FOXP1: variants seen among roughly 807,000 people sequenced by gnomAD.
FOXP1 encodes the protein forkhead box protein P1.
In FOXP1, 15 loss-of-function variants were observed where a neutral mutation model predicts 98.2. The observed-to-expected ratio is 0.15, with a 90% CI of 0.10 to 0.24. The LOEUF (loss-of-function observed/expected upper bound fraction) is 0.24. Among genes scored for constraint, FOXP1 ranks in the 10% least tolerant of loss-of-function variants. The pLI, the probability that FOXP1 is intolerant of heterozygous loss-of-function variation, is 1.00. For synonymous variants in FOXP1, 371 were observed against 314.5 expected (o/e 1.18, Z -1.90); for missense variants, 633 against 848.5 (o/e 0.75, Z 3.15).
At chr3:71,347,297 G>C (rs1037141463) in intron 4 of FOXP1, among the ~76,000 whole-genome samples, 2 of 152,142 alleles carry the variant, frequency 1.3e-5, no homozygotes, top group African/African-American at 4.8e-5. Flanking sequence ...CTTTACCTTT[G>C]AACAACCAGC....
intron 3 of FOXP1, among the ~76,000 whole-genome samples, chr3:71,438,320 G>A (rs887186143): frequency 6.6e-6 from 1 of 152,108 alleles, no homozygotes; most frequent in African/African-American, 2.4e-5. Context: ...AGCTACATCG[G>A]CCGGAAAGTA....
intron 2 of FOXP1, among the ~76,000 whole-genome samples, chr3:71,514,045 C>A (rs1363263733): frequency 6.6e-6 from 1 of 152,212 alleles, no homozygotes; most frequent in Non-Finnish European, 1.5e-5. Flanking sequence ...AAATAAAACA[C>A]TGAATTTAGA....
At chr3:71,337,041 A>C (rs1254542530) in intron 4 of FOXP1, among the ~76,000 whole-genome samples, 1 of 152,244 alleles carries the variant, frequency 6.6e-6, no homozygotes, top group African/African-American at 2.4e-5. Context: ...GACATATCAA[A>C]CATTTAAAAA....
chr3:71,320,021 A>G (rs2075301651), intron 4 of FOXP1, among the ~76,000 whole-genome samples: 1 of 152,140 alleles, frequency 6.6e-6, no homozygotes, highest in African/African-American at 2.4e-5. Flanking sequence ...CGACTCTGCA[A>G]TTCCCTTGTG....
chr3:71,020,678 C>A (rs555956361), intron 11 of FOXP1, among the ~76,000 whole-genome samples: 2 of 152,196 alleles, frequency 1.3e-5, no homozygotes, highest in Non-Finnish European at 2.9e-5. Context: ...CCATTTCCTG[C>A]CAACTGAAAT....
intron 6 of FOXP1, chr3:71,197,821 T>C (rs1183590804): frequency 6.7e-7 from 1 of 1,499,774 alleles, no homozygotes; most frequent in Admixed American, 1.8e-5. Flanking sequence ...ATTTCCTTCT[T>C]CACAGGCTTA....
chr3:71,050,546 G>C (rs989327502), intron 9 of FOXP1, among the ~76,000 whole-genome samples: 3 of 152,196 alleles, frequency 2.0e-5, no homozygotes. Flanking sequence ...AGCCACAGGG[G>C]AGAAACTCCA....
chr3:71,558,029 C>T (rs2046264644), intron 2 of FOXP1, among the ~76,000 whole-genome samples: 1 of 152,146 alleles, frequency 6.6e-6, no homozygotes, highest in East Asian at 1.9e-4. Context: ...GTCGGCCGGG[C>T]TGGTGACCCG....
chr3:71,034,210 A>G (rs919100906), intron 11 of FOXP1, among the ~76,000 whole-genome samples: 2 of 152,170 alleles, frequency 1.3e-5, no homozygotes, highest in Non-Finnish European at 2.9e-5. Flanking sequence ...ACTGCTGAAA[A>G]GATAGGTCTG....
chr3:70,985,246 G>A (rs777780363), intron 14 of FOXP1, among the ~76,000 whole-genome samples: 38 of 152,098 alleles, frequency 2.5e-4, no homozygotes, highest in South Asian at 6.2e-4. Context: ...TCAAACAAAC[G>A]CCATGCATTC....
chr3:71,172,498 A>G (rs1341247593), intron 6 of FOXP1, among the ~76,000 whole-genome samples: 1 of 152,206 alleles, frequency 6.6e-6, no homozygotes, highest in African/African-American at 2.4e-5. Context: ...ATTTTGACCT[A>G]TAACACTTCA....
intron 11 of FOXP1, among the ~76,000 whole-genome samples, chr3:71,037,845 T>G (rs1379184550): frequency 6.6e-6 from 1 of 152,196 alleles, no homozygotes. Context: ...CCTCCCGTAA[T>G]AGTGCTGAAT....
chr3:71,182,565 T>C (rs1406897207), intron 6 of FOXP1, among the ~76,000 whole-genome samples: 1 of 149,628 alleles, frequency 6.7e-6, no homozygotes, highest in Non-Finnish European at 1.5e-5. Flanking sequence ...TTTTTTTTTT[T>C]AGTAGAGACA....
At chr3:70,959,422 G>A in intron 20 of FOXP1, 31 bp from the exon 21 acceptor site, 3 of 1,613,612 alleles carry the variant, frequency 1.9e-6, no homozygotes, top group African/African-American at 1.3e-5. Context: ...TTCAGTGAGG[G>A]TACTTCCCAG....
intron 11 of FOXP1, among the ~76,000 whole-genome samples, chr3:71,030,468 T>C (rs1439074750): frequency 1.3e-5 from 2 of 152,202 alleles, no homozygotes; most frequent in African/African-American, 4.8e-5. Context: ...CTTTCCTACT[T>C]TTTCTGTTTC....
intron 6 of FOXP1, among the ~76,000 whole-genome samples, chr3:71,153,879 C>T (rs553475956): frequency 1.2e-4 from 19 of 152,218 alleles, no homozygotes; most frequent in African/African-American, 3.9e-4. Context: ...TTCAGAGGTA[C>T]GGCAATAAAC....
At chr3:71,008,962 G>GA (rs1352728654) in intron 12 of FOXP1, among the ~76,000 whole-genome samples, 2 of 151,970 alleles carry the variant, frequency 1.3e-5, no homozygotes, top group Admixed American at 1.3e-4. Flanking sequence ...TGACAGATGG[G>GA]ATTTTTATCC....
At chr3:71,312,959 C>T (rs1259982739) in intron 4 of FOXP1, among the ~76,000 whole-genome samples, 1 of 151,760 alleles carries the variant, frequency 6.6e-6, no homozygotes, top group Non-Finnish European at 1.5e-5. Context: ...CCACTGCACT[C>T]CAGCCTGGGT....
At chr3:71,286,296 A>G (rs1048252447) in intron 5 of FOXP1, among the ~76,000 whole-genome samples, 58 of 150,992 alleles carry the variant, frequency 3.8e-4, no homozygotes, top group African/African-American at 1.4e-3. Flanking sequence ...ACCACCATGT[A>G]GAGTGTCCCC....
Sources: allele counts gnomAD v4.1 joint callset (sites outside exome capture counted in the v4.1 genomes callset), GRCh38; gene constraint gnomAD v4.1.1; transcripts MANE v1.5; gene names NCBI Gene and HGNC (gene_info 2026-07-23, HGNC 2026-07-21).